The following RECQL variants were observed in gnomAD, a reference collection of about 807,000 sequenced individuals.
The protein encoded by RECQL is RecQ like helicase, also known as ATP-dependent DNA helicase Q1.
RECQL carries 73 observed loss-of-function variants against 75.8 expected under a neutral mutation model. The observed-to-expected ratio is 0.96, with a 90% CI of 0.80 to 1.17. The LOEUF is 1.17. Among genes scored for constraint, RECQL ranks in the 50% most tolerant of loss-of-function variants. The pLI, the probability that RECQL is intolerant of heterozygous loss-of-function variation, is 0.00. For missense variants in RECQL, 699 were observed against 772.1 expected, an observed-to-expected ratio of 0.91 and a Z score of 1.12; for synonymous variants, 248 against 254.4, an observed-to-expected ratio of 0.97 and a Z score of 0.24.
Position 21,474,972 on chromosome 12 carries a change from A to T in RECQL, c.1224T>A (p.Asp408Glu). 1 of 1,612,180 alleles carries T rather than the reference A, an allele frequency of 6.2e-7. No individual in the cohort carries two copies. The change falls in exon 11 of 15, where the codon GAT becomes GAA. Residue 408 changes from aspartate (D) to glutamate (E), a missense_variant. By Grantham distance (45) the Asp-to-Glu change is conservative. Around this residue, in one of 2 missense-constraint regions of RECQL, gnomAD observed 669 missense variants for 713.5 expected, o/e 0.94. Coordinates refer to ENST00000444129, the MANE Select transcript of RECQL (RefSeq NM_002907.4). The stretch of plus-strand genomic sequence containing the variant: ...ACAAAATACAGTCTGCTTTCATGTC[A>T]TCTCGACCTGTGGTGTGAGAAACCT... Reference protein sequence around the residue: ...YYQESGRAGRDDMKADCILYY... With the variant: ...YYQESGRAGREDMKADCILYY...
At position 21,475,592 on chromosome 12, in the gene RECQL, T is replaced by A. The variant is rs1411129606; in HGVS notation, c.1099-7A>T. The A allele has an allele frequency of 1.9e-6, 3 of 1,609,464 alleles. No individual in the cohort carries two copies. In the Admixed American group the frequency reaches 5.0e-5, roughly 27 times the overall value. On this transcript the variant is annotated splice_polypyrimidine_tract_variant and splice_region_variant and intron_variant, in intron 9 of 14. Transcript: ENST00000444129. ...CAACAGTTGCCACTACTACCTGAAA[T>A]ATTTTAACATTTTATCAGTTAATTA...
chr12:21,473,781 C>T, intron 11 of RECQL, 139 bp from the exon 12 acceptor site: 1 of 653,100 alleles, frequency 1.5e-6, no homozygotes, highest in Non-Finnish European at 2.6e-6. Flanking sequence ...TGGCTTTAAA[C>T]ACATTTATTC....
chr12:21,473,530 T>C, intron 12 of RECQL, 21 bp downstream of exon 12: 1 of 1,590,976 alleles, frequency 6.3e-7, no homozygotes, highest in Non-Finnish European at 8.6e-7. Flanking sequence ...CCTATAAAGG[T>C]TTACAAAACA....
At chr12:21,470,677 A>C (rs1942927168) in intron 14 of RECQL, 1 of 306,520 alleles carries the variant, frequency 3.3e-6, no homozygotes, top group Non-Finnish European at 5.9e-6. Flanking sequence ...CTCAACTATT[A>C]GTAATCACAA....
rs770649689 is a variant in RECQL at position 21,477,000 on chromosome 12, AAACTT to A, written c.868-13_868-9del. 5 of 1,598,850 alleles carry A rather than the reference AAACTT, an allele frequency of 3.1e-6. No homozygotes were observed. The highest frequency in any genetic ancestry group is 4.3e-6 in the Non-Finnish European group (5 of 1,173,050). The stretch of plus-strand genomic sequence containing the variant: ...TGAGGGCTTCTGCCGAACCTAAAAA[AAACTT>A]AACTTATTAAAAAGTAAATGAATGA... On this transcript the variant is annotated splice_polypyrimidine_tract_variant and intron_variant, in intron 7 of 14. Transcript: ENST00000444129.
In RECQL at chr12:21,491,515, T is replaced by G; in HGVS notation, c.214+4A>C. On this transcript the variant is annotated splice_donor_region_variant and intron_variant, in intron 3 of 14. Coordinates refer to ENST00000444129, the MANE Select transcript of RECQL (RefSeq NM_002907.4). ...CTAGCAAAAAAAAAAAAAAAAAAGTTAACCTTCTTTATTCCAAGCGGCAGG... is the reference window on the plus strand; with the variant it reads ...CTAGCAAAAAAAAAAAAAAAAAAGTGAACCTTCTTTATTCCAAGCGGCAGG... The G allele has an allele frequency of 6.4e-7, 1 of 1,558,784 alleles. No individual in the cohort carries two copies. Among genetic ancestry groups the G allele is most frequent in the Non-Finnish European group, 8.6e-7 (1 of 1,161,192 alleles).
intron 7 of RECQL, 83 bp downstream of exon 7, chr12:21,477,720 C>T: frequency 1.7e-6 from 2 of 1,167,968 alleles, no homozygotes; most frequent in Admixed American, 2.8e-5. Flanking sequence ...CTTAACTGCT[C>T]ATGTAAATAA....
intron 12 of RECQL, among the ~76,000 whole-genome samples, chr12:21,472,286 C>T (rs945022599): frequency 3.9e-5 from 6 of 151,902 alleles, no homozygotes; most frequent in Non-Finnish European, 7.4e-5. Flanking sequence ...CAGGCAAATC[C>T]GAAAATTGGG....
intron 5 of RECQL, 117 bp downstream of exon 5, chr12:21,486,362 G>T: frequency 7.8e-7 from 1 of 1,282,824 alleles, no homozygotes; most frequent in South Asian, 2.2e-5. Context: ...GCAGTAGTTT[G>T]TAACTCCTGA....
rs780969979 is a variant in RECQL at position 21,475,560 on chromosome 12, C to T, written c.1124G>A (p.Gly375Asp). 6.2e-7 allele frequency: 1 copy of T among 1,612,488 alleles called. No homozygotes were observed. Among genetic ancestry groups the T allele is most frequent in the South Asian group, 1.1e-5 (1 of 90,790 alleles). Residue 375 changes from glycine (G) to aspartate (D), a missense_variant, in exon 10 of 15, where the codon GGT becomes GAT. This residue lies in a region of RECQL where 669 missense variants were observed against 713.5 expected (regional missense o/e 0.94). Coordinates refer to ENST00000444129, the MANE Select transcript of RECQL (RefSeq NM_002907.4). Reference sequence around the variant, plus strand: ...CACATCTGGCTTATCAATTCCCATACCAAATGCAACAGTTGCCACTACTAC... The same window carrying T: ...CACATCTGGCTTATCAATTCCCATATCAAATGCAACAGTTGCCACTACTAC... ...IQVVVATVAF[G>D]MGIDKPDVRF...
chr12:21,492,113 A>G lies in RECQL; in HGVS notation c.17-397T>C, dbSNP rs1443806830. Among the ~76,000 whole-genome samples, 6 of 152,226 alleles carry G rather than the reference A, an allele frequency of 3.9e-5. No individual in the cohort carries two copies. The South Asian group carries it at 8.3e-4, about 21-fold the overall frequency. On this transcript the variant is annotated intron_variant, in intron 2 of 14. Coordinates refer to ENST00000444129, the MANE Select transcript of RECQL (RefSeq NM_002907.4). The stretch of plus-strand genomic sequence containing the variant: ...AAGTGGTCTAACAATCTCCTAAATC[A>G]TTTAAGTAAAGTATCAGACTTTGAA...
chr12:21,485,801 G>A (rs945343797), intron 5 of RECQL, among the ~76,000 whole-genome samples: 10 of 151,986 alleles, frequency 6.6e-5, no homozygotes, highest in African/African-American at 2.4e-4. Flanking sequence ...CTGTTGAAGG[G>A]GGAAATGGCT....
chr12:21,478,477 G>A (rs1280919306), intron 6 of RECQL, among the ~76,000 whole-genome samples: 2 of 152,192 alleles, frequency 1.3e-5, no homozygotes, highest in African/African-American at 2.4e-5. Context: ...AGAGGACAGA[G>A]CAGCTGCTTG....
rs759065314 is a variant in RECQL, at chr12:21,490,359, T to G, written c.234A>C (p.Lys78Asn). The G allele has an allele frequency of 1.2e-6, 2 of 1,609,580 alleles. No homozygotes were observed. Among genetic ancestry groups the G allele is most frequent in the Middle Eastern group, 1.6e-4 (1 of 6,070 alleles). The stretch of plus-strand genomic sequence containing the variant: ...AGACATTTTGCAGAATATCTTTAAC[T>G]TTACCAGACCATGGAAAATCTAGGA... ...WNKEDFPWSG[K>N]VKDILQNVFK... Residue 78 changes from lysine to asparagine, a missense_variant, in exon 4 of 15, where the codon AAA becomes AAC. Around this residue, in one of 2 missense-constraint regions of RECQL, gnomAD observed 669 missense variants for 713.5 expected, o/e 0.94. Coordinates refer to ENST00000444129, the MANE Select transcript of RECQL (RefSeq NM_002907.4).
At chr12:21,480,595 G>A (rs916579676) in intron 6 of RECQL, among the ~76,000 whole-genome samples, 1 of 151,964 alleles carries the variant, frequency 6.6e-6, no homozygotes. Flanking sequence ...TGCACACTAC[G>A]CATCAGCTTT....
chr12:21,493,844 G>T (rs1402948338), intron 2 of RECQL, among the ~76,000 whole-genome samples: 1 of 152,142 alleles, frequency 6.6e-6, no homozygotes, highest in East Asian at 1.9e-4. Context: ...AGAAGTCCTA[G>T]AGGATAAAAC....
rs183113210 is a variant in RECQL at position 21,478,051 on chromosome 12, C to T, written c.701-82G>A. The T allele has an allele frequency of 7.6e-5, 102 of 1,349,416 alleles. No homozygotes were observed. In the African/African-American group the frequency reaches 1.2e-3, roughly 15 times the overall value. 83.6% of individuals were successfully genotyped at this position (1,349,416 alleles called of 1,614,324 possible). ...TATCTTTTAACATTATGCAGATAAT[C>T]GATGACTACTATGATTTTGTTTCCA... On this transcript the variant is annotated intron_variant, in intron 6 of 14. Coordinates refer to ENST00000444129, the MANE Select transcript of RECQL (RefSeq NM_002907.4).
intron 12 of RECQL, among the ~76,000 whole-genome samples, chr12:21,472,191 G>T (rs1011483206): frequency 1.3e-5 from 2 of 151,324 alleles, no homozygotes; most frequent in African/African-American, 4.8e-5. Flanking sequence ...ACTCAGTAAG[G>T]TCTTACCATG....
rs543088933 is a variant in RECQL at position 21,472,629 on chromosome 12, C to T, written c.1447+922G>A. Reference sequence around the variant, plus strand: ...GCTAGTGGGAGTGTCTTACATCATGCAAATACATTATATTTTCTAGTTCTA... The same window carrying T: ...GCTAGTGGGAGTGTCTTACATCATGTAAATACATTATATTTTCTAGTTCTA... On this transcript the variant is annotated intron_variant, in intron 12 of 14. Transcript: ENST00000444129. Among the ~76,000 whole-genome samples, 3 of 152,160 alleles carry T rather than the reference C, an allele frequency of 2.0e-5. No individual in the cohort carries two copies. The South Asian group carries it at 6.2e-4, about 32-fold the overall frequency.
Sources: allele counts gnomAD v4.1 joint callset (sites outside exome capture counted in the v4.1 genomes callset), GRCh38; gene constraint gnomAD v4.1.1; regional missense constraint gnomAD v4.1.1; transcripts MANE v1.5; gene names NCBI Gene and HGNC (gene_info 2026-07-23, HGNC 2026-07-21).